Variants in GRID1 observed in about 807,000 individuals in gnomAD.
GRID1 encodes the protein glutamate receptor ionotropic, delta-1.
In GRID1, 28 loss-of-function variants were observed where a neutral mutation model predicts 98.0. That is an observed-to-expected ratio of 0.29 (90% confidence interval 0.21 to 0.39). The LOEUF (loss-of-function observed/expected upper bound fraction) is 0.39. GRID1 is among the 10% of genes least tolerant of loss of function. The pLI is 1.00. For synonymous variants in GRID1, 553 were observed against 538.5 expected, an observed-to-expected ratio of 1.03 and a Z score of -0.37; for missense variants, 1,111 against 1,340.5, an observed-to-expected ratio of 0.83 and a Z score of 2.67.
At chr10:85,636,245 C>T (rs940227351) in intron 13 of GRID1, among the ~76,000 whole-genome samples, 2 of 152,134 alleles carry the variant, frequency 1.3e-5, no homozygotes, top group Admixed American at 1.3e-4. Flanking sequence ...TGTCCCAAGT[C>T]GGTTTTTGTC....
chr10:86,234,133 ACT>A lies in GRID1; in HGVS notation c.236-27487_236-27486del, dbSNP rs1846499251. On this transcript the variant is annotated intron_variant, in intron 2 of 15. Transcript: ENST00000327946. ...TAACTTTGCCCACACTTCTAGGAAA[ACT>A]CTGTTCAGGGTCTGTTTGCTACCAG... 2.0e-5 allele frequency among the ~76,000 whole-genome samples: 3 copies of A among 150,806 alleles called. No homozygotes were observed. The South Asian group carries it at 6.4e-4, about 32-fold the overall frequency.
chr10:86,159,873 A>C (rs183461014), intron 3 of GRID1, among the ~76,000 whole-genome samples: 2 of 152,336 alleles, frequency 1.3e-5, no homozygotes, highest in East Asian at 3.9e-4. Context: ...TTAAATCTAC[A>C]TTCAAAGCAG....
intron 4 of GRID1, among the ~76,000 whole-genome samples, chr10:85,919,743 G>A (rs986554520): frequency 1.3e-5 from 2 of 152,228 alleles, no homozygotes; most frequent in Admixed American, 1.3e-4. Context: ...GGCAGGCAGA[G>A]TACATTGGAA....
At chr10:85,996,914 G>T (rs1842746528) in intron 4 of GRID1, among the ~76,000 whole-genome samples, 1 of 150,094 alleles carries the variant, frequency 6.7e-6, no homozygotes, top group African/African-American at 2.4e-5. Flanking sequence ...TTTGTTGAAA[G>T]ACAAAAATCT....
rs540721271 is a variant in GRID1 at position 85,997,356 on chromosome 10, G to A, written c.727-81117C>T. On this transcript the variant is annotated intron_variant, in intron 4 of 15. Coordinates refer to ENST00000327946, the MANE Select transcript of GRID1 (RefSeq NM_017551.3). ...GGAGGTTGCAGTGAGCCAAGATCGC[G>A]CCACTGTACTACAGCCTGGGCAACA... 1.4e-4 allele frequency among the ~76,000 whole-genome samples: 21 copies of A among 151,258 alleles called. No homozygotes were observed. In the East Asian group the frequency reaches 3.3e-3, roughly 24 times the overall value.
intron 3 of GRID1, among the ~76,000 whole-genome samples, chr10:86,190,524 G>A (rs1377764247): frequency 6.6e-6 from 1 of 152,198 alleles, no homozygotes; most frequent in African/African-American, 2.4e-5. Flanking sequence ...AGTGGCAGTA[G>A]CCAAGACCTG....
chr10:85,678,805 A>T (rs980589207), intron 12 of GRID1, among the ~76,000 whole-genome samples: 1 of 152,014 alleles, frequency 6.6e-6, no homozygotes, highest in Admixed American at 6.6e-5. Context: ...TCCTCTCACC[A>T]TTAAAGTTCT....
At chr10:85,622,820 TG>T (rs1366553142) in intron 13 of GRID1, among the ~76,000 whole-genome samples, 1 of 152,060 alleles carries the variant, frequency 6.6e-6, no homozygotes, top group Non-Finnish European at 1.5e-5. Context: ...GAGGGGAGGA[TG>T]GACTGTGGTA....
chr10:86,219,838 G>T (rs1291015589), intron 2 of GRID1, among the ~76,000 whole-genome samples: 1 of 152,224 alleles, frequency 6.6e-6, no homozygotes, highest in African/African-American at 2.4e-5. Flanking sequence ...GAAGCTGAAG[G>T]CATCTCTCAC....
chr10:85,677,819 A>G (rs1841161747), intron 12 of GRID1, among the ~76,000 whole-genome samples: 1 of 152,184 alleles, frequency 6.6e-6, no homozygotes, highest in Admixed American at 6.5e-5. Context: ...GGAAGTGAGA[A>G]AAGCATGCAC....
intron 4 of GRID1, among the ~76,000 whole-genome samples, chr10:85,968,430 G>A (rs1195952146): frequency 1.6e-5 from 2 of 123,038 alleles, no homozygotes; most frequent in Middle Eastern, 6.8e-3. Flanking sequence ...TAGCCTGGAC[G>A]ACACAGCAAG....
chr10:86,261,361 AC>A (rs771767263), intron 2 of GRID1, among the ~76,000 whole-genome samples: 2 of 152,226 alleles, frequency 1.3e-5, no homozygotes, highest in Non-Finnish European at 2.9e-5. Context: ...CTGGCCACAG[AC>A]TATCCATTGC....
intron 4 of GRID1, among the ~76,000 whole-genome samples, chr10:85,962,101 G>A (rs1842275772): frequency 6.6e-6 from 1 of 152,324 alleles, no homozygotes; most frequent in African/African-American, 2.4e-5. Context: ...GAGGTCTATG[G>A]CTTGGGCCAC....
chr10:86,086,858 G>A (rs1844066594), intron 4 of GRID1, among the ~76,000 whole-genome samples: 1 of 152,182 alleles, frequency 6.6e-6, no homozygotes, highest in South Asian at 2.1e-4. Context: ...GGAACAGAAG[G>A]AGCTCATCTT....
intron 12 of GRID1, among the ~76,000 whole-genome samples, chr10:85,674,713 GTTTTT>G (rs796827862): frequency 6.9e-6 from 1 of 145,306 alleles, no homozygotes. Context: ...AAAATTGCAG[GTTTTT>G]TTTTTTTTTG....
chr10:86,177,982 G>A (rs375562190), intron 3 of GRID1, among the ~76,000 whole-genome samples: 18 of 152,154 alleles, frequency 1.2e-4, no homozygotes, highest in East Asian at 5.8e-4. Flanking sequence ...GCTCCCCTCC[G>A]TGGGGACAAA....
intron 2 of GRID1, among the ~76,000 whole-genome samples, chr10:86,344,831 G>T (rs117659598): frequency 6.6e-6 from 1 of 152,158 alleles, no homozygotes; most frequent in Non-Finnish European, 1.5e-5. Flanking sequence ...TCTCTGCTCA[G>T]CAGGGGGCTC....
intron 2 of GRID1, among the ~76,000 whole-genome samples, chr10:86,338,038 G>A (rs11201985): frequency 0.35 from 53,410 of 152,044 alleles, 10,850 homozygotes; most frequent in Admixed American, 0.49. Context: ...ACCTGGTTTT[G>A]GAAAGAAGTG....
chr10:86,226,051 T>G (rs1157166141), intron 2 of GRID1, among the ~76,000 whole-genome samples: 1 of 151,804 alleles, frequency 6.6e-6, no homozygotes, highest in African/African-American at 2.4e-5. Flanking sequence ...ACCCTGCAGG[T>G]GGACAGGTAG....
Sources: allele counts gnomAD v4.1 joint callset (sites outside exome capture counted in the v4.1 genomes callset), GRCh38; gene constraint gnomAD v4.1.1; transcripts MANE v1.5; gene names NCBI Gene and HGNC (gene_info 2026-07-23, HGNC 2026-07-21).